The following PPM1B variants were observed in gnomAD, a reference collection of about 807,000 sequenced individuals.
PPM1B encodes the protein protein phosphatase 1B.
Under a neutral mutation model 43.0 loss-of-function variants are expected in PPM1B, and 22 were observed. The observed-to-expected ratio is 0.51, with a 90% CI of 0.37 to 0.73. PPM1B has a LOEUF of 0.73. PPM1B is among the 30% of genes least tolerant of loss of function. The probability of loss-of-function intolerance (pLI) is 0.00; values close to 1 mark genes in which losing one functional copy is unlikely to be tolerated. For missense variants in PPM1B, 632 were observed against 584.2 expected (o/e 1.08, Z -0.84); for synonymous variants, 217 against 197.9 (o/e 1.10, Z -0.81).
intron 3 of PPM1B, among the ~76,000 whole-genome samples, chr2:44,213,290 C>G (rs1431394351): frequency 2.0e-5 from 3 of 149,786 alleles, no homozygotes; most frequent in South Asian, 2.1e-4. Flanking sequence ...CTCTTCCACT[C>G]AAGGTTACAT....
At chr2:44,199,938 C>G (rs895440898) in intron 1 of PPM1B, among the ~76,000 whole-genome samples, 12 of 151,602 alleles carry the variant, frequency 7.9e-5, no homozygotes, top group African/African-American at 2.9e-4. Flanking sequence ...AATGATCATA[C>G]CTGGAAAAAA....
At chr2:44,211,691 T>G (rs1669473537) in intron 3 of PPM1B, among the ~76,000 whole-genome samples, 2 of 152,082 alleles carry the variant, frequency 1.3e-5, no homozygotes, top group African/African-American at 4.8e-5. Context: ...AGCATCCATT[T>G]GCGATTTTTG....
chr2:44,181,361 G>T (rs1667866001), intron 1 of PPM1B, among the ~76,000 whole-genome samples: 1 of 152,140 alleles, frequency 6.6e-6, no homozygotes, highest in African/African-American at 2.4e-5. Flanking sequence ...GTAGAGCCTA[G>T]GCATGACAAA....
chr2:44,228,453 C>T (rs1183701970), intron 5 of PPM1B, among the ~76,000 whole-genome samples: 2 of 152,104 alleles, frequency 1.3e-5, no homozygotes, highest in South Asian at 4.1e-4. Flanking sequence ...ATTGCATACA[C>T]GAGTCACTGC....
At chr2:44,212,695 T>C (rs1303988737) in intron 3 of PPM1B, among the ~76,000 whole-genome samples, 4 of 152,134 alleles carry the variant, frequency 2.6e-5, no homozygotes, top group African/African-American at 9.7e-5. Context: ...ATTTGCTTAT[T>C]AGTTACACAT....
At chr2:44,203,628 G>A (rs1180592764) in intron 2 of PPM1B, among the ~76,000 whole-genome samples, 1 of 152,096 alleles carries the variant, frequency 6.6e-6, no homozygotes, top group Non-Finnish European at 1.5e-5. Flanking sequence ...GTGAGTGTGT[G>A]TATTTTTATA....
At chr2:44,206,583 AG>A (rs1669199284) in intron 2 of PPM1B, among the ~76,000 whole-genome samples, 2 of 152,242 alleles carry the variant, frequency 1.3e-5, no homozygotes, top group South Asian at 4.1e-4. Flanking sequence ...AATGGAAATT[AG>A]ATAAGGAAAT....
chr2:44,206,100 G>A (rs1015513786), intron 2 of PPM1B, among the ~76,000 whole-genome samples: 10 of 152,148 alleles, frequency 6.6e-5, no homozygotes, highest in Non-Finnish European at 1.0e-4. Flanking sequence ...GGGCACTGGC[G>A]TCTTTGATCT....
At chr2:44,196,883 A>G (rs1274058179) in intron 1 of PPM1B, among the ~76,000 whole-genome samples, 1 of 152,142 alleles carries the variant, frequency 6.6e-6, no homozygotes, top group Non-Finnish European at 1.5e-5. Flanking sequence ...TATTTTTAGG[A>G]TACATTTCTA....
chr2:44,235,063 C>A (rs1182229768), downstream of PPM1B, among the ~76,000 whole-genome samples: 3 of 152,198 alleles, frequency 2.0e-5, no homozygotes, highest in Non-Finnish European at 4.4e-5. Context: ...CTTCAGATAA[C>A]TGTGGATATC....
intron 1 of PPM1B, among the ~76,000 whole-genome samples, chr2:44,181,854 A>G (rs1279692090): frequency 6.6e-6 from 1 of 152,258 alleles, no homozygotes; most frequent in African/African-American, 2.4e-5. Context: ...AGATTGCATC[A>G]GAGGGCAGAT....
intron 5 of PPM1B, among the ~76,000 whole-genome samples, chr2:44,224,108 A>T (rs1337172171): frequency 6.6e-6 from 1 of 152,148 alleles, no homozygotes; most frequent in Non-Finnish European, 1.5e-5. Flanking sequence ...TTCATAAGAA[A>T]CATTTTTACT....
chr2:44,185,440 C>T (rs563197219), intron 1 of PPM1B, among the ~76,000 whole-genome samples: 23 of 152,152 alleles, frequency 1.5e-4, no homozygotes, highest in Admixed American at 3.3e-4. Context: ...TTTTTTTTCT[C>T]AGATTAAATT....
intron 1 of PPM1B, among the ~76,000 whole-genome samples, chr2:44,200,367 A>T (rs1333274966): frequency 6.6e-6 from 1 of 152,214 alleles, no homozygotes; most frequent in Admixed American, 6.5e-5. Context: ...TTTATTCTAT[A>T]AAATAGTAAA....
intron 5 of PPM1B, among the ~76,000 whole-genome samples, chr2:44,225,618 A>G (rs1161752835): frequency 6.6e-6 from 1 of 152,088 alleles, no homozygotes; most frequent in African/African-American, 2.4e-5. Context: ...ATCCGTGTCT[A>G]CTTGATTTAT....
At chr2:44,233,418 C>T (rs527293154), downstream of PPM1B, 12 of 980,898 alleles carry the variant, frequency 1.2e-5, no homozygotes, top group Admixed American at 1.8e-4. Flanking sequence ...TCTATTTTTA[C>T]AGTAACCTTG....
intron 1 of PPM1B, among the ~76,000 whole-genome samples, chr2:44,186,561 G>A (rs186060371): frequency 6.6e-6 from 1 of 151,930 alleles, no homozygotes; most frequent in East Asian, 1.9e-4. Context: ...TTTTTATAGA[G>A]ACAGGGTCTC....
At chr2:44,198,004 C>T (rs72800983) in intron 1 of PPM1B, among the ~76,000 whole-genome samples, 5,341 of 152,214 alleles carry the variant, frequency 0.035, 133 homozygotes, top group Non-Finnish European at 0.056. Context: ...AACACCACCG[C>T]ATTTTCTTTG....
chr2:44,201,178 T>A lies in PPM1B; in HGVS notation c.-14-8T>A, dbSNP rs760701209. ...TTAAACATTTAACACCTGCATTTTT[T>A]ATTTCAGATTTATTGCTAAACATGG... is the stretch of plus-strand genomic sequence containing the variant. On this transcript the variant is annotated splice_region_variant and splice_polypyrimidine_tract_variant and intron_variant, in intron 1 of 5. Transcript: ENST00000282412. The surrounding 1 kb of genome is among the most constrained non-coding windows in gnomAD (Gnocchi z 5.4). 4 of 1,564,030 alleles carry A rather than the reference T, an allele frequency of 2.6e-6. No homozygotes were observed. The highest frequency in any genetic ancestry group is 3.5e-6 in the Non-Finnish European group (4 of 1,153,682).
Sources: allele counts gnomAD v4.1 joint callset (sites outside exome capture counted in the v4.1 genomes callset), GRCh38; gene constraint gnomAD v4.1.1; non-coding constraint Gnocchi (gnomAD v3.1); transcripts MANE v1.5; gene names NCBI Gene and HGNC (gene_info 2026-07-23, HGNC 2026-07-21).